Variants in ALK observed in about 807,000 individuals in gnomAD.
ALK encodes the protein ALK receptor tyrosine kinase.
ALK carries 74 observed loss-of-function variants against 163.1 expected under a neutral mutation model. The ratio of observed to expected loss-of-function variants is 0.45; its 90% CI spans 0.38 to 0.55. ALK has a LOEUF of 0.55. Among genes scored for constraint, ALK ranks in the 20% least tolerant of loss-of-function variants. The probability of loss-of-function intolerance (pLI) is 0.00; values close to 1 mark genes in which losing one functional copy is unlikely to be tolerated. For synonymous variants in ALK, 960 were observed against 843.2 expected (o/e 1.14, Z -2.40); for missense variants, 2,063 against 2,105.3 (o/e 0.98, Z 0.39).
intron 1 of ALK, among the ~76,000 whole-genome samples, chr2:29,837,889 GAGA>G (rs1665600838): frequency 1.3e-5 from 2 of 152,168 alleles, no homozygotes; most frequent in South Asian, 4.1e-4. Flanking sequence ...AGAACTGATA[GAGA>G]AGAATTGATT....
rs11289018 is a variant in ALK at position 29,480,790 on chromosome 2, TAAAAAAAAA to T, written c.1154+51116_1154+51124del. Among the ~76,000 whole-genome samples, 4 of 74,548 alleles carry T rather than the reference TAAAAAAAAA, an allele frequency of 5.4e-5. No individual in the cohort carries two copies. The Admixed American group carries it at 6.3e-4, about 12-fold the overall frequency. 48.9% of individuals were successfully genotyped at this position (74,548 alleles called of 152,430 possible). A position where few individuals can be genotyped will look rare whatever the true frequency, so the allele number is the denominator to read the frequency against. ...CAGAAAGCTCAGGGAACAGACATCT[TAAAAAAAAA>T]AAAAAAAAAAAAAAAGCCATCATTT... On this transcript the variant is annotated intron_variant, in intron 4 of 28. Coordinates refer to ENST00000389048, the MANE Select transcript of ALK (RefSeq NM_004304.5).
intron 1 of ALK, among the ~76,000 whole-genome samples, chr2:29,808,585 C>A (rs1052555737): frequency 6.6e-6 from 1 of 152,182 alleles, no homozygotes; most frequent in Non-Finnish European, 1.5e-5. Flanking sequence ...GATGGAAAAA[C>A]AGACAAGCCA....
intron 1 of ALK, among the ~76,000 whole-genome samples, chr2:29,810,040 A>G (rs1299014601): frequency 6.6e-6 from 1 of 152,224 alleles, no homozygotes. Context: ...CAGACAAAGA[A>G]CAGTGATGGT....
At chr2:29,726,418 TACAAAGAC>T (rs1264916698) in intron 1 of ALK, among the ~76,000 whole-genome samples, 12 of 152,124 alleles carry the variant, frequency 7.9e-5, no homozygotes, top group Admixed American at 5.2e-4. Flanking sequence ...CTGAAAGCGA[TACAAAGAC>T]ACAAAGACAC....
chr2:29,332,362 G>T (rs1667470530), intron 5 of ALK, among the ~76,000 whole-genome samples: 1 of 135,872 alleles, frequency 7.4e-6, no homozygotes, highest in African/African-American at 2.9e-5. Flanking sequence ...AACAAATCTA[G>T]GCTATGTCTG....
chr2:29,611,508 T>C (rs1264355684), intron 3 of ALK, among the ~76,000 whole-genome samples: 7 of 152,186 alleles, frequency 4.6e-5, no homozygotes, highest in Admixed American at 3.9e-4. Context: ...TGTTAACAGT[T>C]ACATGAAATG....
At chr2:29,631,974 G>A (rs920151499) in intron 3 of ALK, among the ~76,000 whole-genome samples, 1 of 152,234 alleles carries the variant, frequency 6.6e-6, no homozygotes, top group Non-Finnish European at 1.5e-5. Context: ...CTTGGAGGCA[G>A]AATAGGGATT....
chr2:29,920,467 G>C lies in ALK; in HGVS notation c.193C>G (p.Arg65Gly), dbSNP rs1343353214. 4 of 1,612,598 alleles carry C rather than the reference G, an allele frequency of 2.5e-6. No homozygotes were observed. The highest frequency in any genetic ancestry group is 3.4e-6 in the Non-Finnish European group (4 of 1,179,518). ...AGCAGTAGGTCCCGGGCGTAGACAC[G>C]GAAGAGCGAGGGCACCACGAAGTCA... ...AVDFVVPSLF[R>G]VYARDLLLPP... The change falls in exon 1 of 29, where the codon CGT (arginine) becomes GGT (glycine). Residue 65 changes from arginine (R) to glycine (G), a missense_variant. Transcript: ENST00000389048.
chr2:29,765,542 G>A (rs1680837172), intron 1 of ALK, among the ~76,000 whole-genome samples: 1 of 152,040 alleles, frequency 6.6e-6, no homozygotes, highest in Admixed American at 6.6e-5. Flanking sequence ...AAACTCGTGG[G>A]CTCAAGTGAT....
intron 12 of ALK, among the ~76,000 whole-genome samples, chr2:29,242,463 C>T (rs566261515): frequency 1.9e-4 from 29 of 152,254 alleles, no homozygotes; most frequent in African/African-American, 6.7e-4. Flanking sequence ...ATATTTTAGA[C>T]GTTGTTTGTT....
At position 29,920,792 on chromosome 2, in the gene ALK, G is replaced by T; in HGVS notation, c.-133C>A. The T allele has an allele frequency of 1.3e-6, 1 of 772,898 alleles. No homozygotes were observed. The highest frequency in any genetic ancestry group is 2.1e-6 in the Non-Finnish European group (1 of 487,162). 47.9% of individuals were successfully genotyped at this position (772,898 alleles called of 1,614,324 possible). On this transcript the variant is annotated 5_prime_UTR_variant, in exon 1 of 29. Transcript: ENST00000389048. ...CCACCTGATCTCCAGAGGACTGTGC[G>T]TGCGCGCAAGTCTCTTGCTTTCCCC...
Position 29,225,531 on chromosome 2 carries a change from C to T in ALK, c.3102G>A (p.Ser1034=), listed in dbSNP as rs138771319. 4.0e-4 allele frequency: 652 copies of T among 1,613,244 alleles called. No homozygotes were observed. The highest frequency in any genetic ancestry group is 5.0e-4 in the Non-Finnish European group (594 of 1,179,912). Residue 1034 remains serine, a synonymous_variant, in exon 19 of 29, where the codon TCG becomes TCA. Coordinates refer to ENST00000389048, the MANE Select transcript of ALK (RefSeq NM_004304.5). The part of the protein sequence containing the change: ...SPTPEPHLPL[S]LILSVVTSAL... ...CAGAGGTCACCACAGAGAGGATCAG[C>T]GAGAGTGGCAGGTGTGGCTCCGGGG...
chr2:29,784,713 AAAC>A (rs34379763), intron 1 of ALK, among the ~76,000 whole-genome samples: 5,971 of 150,840 alleles, frequency 0.04, 152 homozygotes, highest in East Asian at 0.08. Context: ...ACAACAACAA[AAAC>A]AACAACAACA....
At chr2:29,313,570 TC>T (rs1313444955) in intron 8 of ALK, among the ~76,000 whole-genome samples, 3 of 152,028 alleles carry the variant, frequency 2.0e-5, no homozygotes, top group Non-Finnish European at 4.4e-5. Flanking sequence ...TCTCATCAAC[TC>T]TCCCCAAGTT....
At chr2:29,427,907 A>G (rs1327626334) in intron 4 of ALK, among the ~76,000 whole-genome samples, 1 of 152,144 alleles carries the variant, frequency 6.6e-6, no homozygotes, top group African/African-American at 2.4e-5. Flanking sequence ...CATTTAAAAG[A>G]ATTAAAATCA....
chr2:29,328,440 T>C lies in ALK; in HGVS notation c.1324A>G (p.Thr442Ala), dbSNP rs1667340141. ...GSKMALQSSF[T>A]CWNGTVLQLG... ...TGGAGGACTGTCCCATTCCAACAAG[T>C]GAAGGAGCTCTGCAGGGCCATCTTG... is the stretch of plus-strand genomic sequence containing the variant. The change falls in exon 6 of 29, where the codon ACT (threonine) becomes GCT (alanine). Residue 442 changes from threonine (T) to alanine (A), a missense_variant. By Grantham distance (58) the Thr-to-Ala change is moderately conservative. This residue lies in a region of ALK where 987 missense variants were observed against 939.5 expected (regional missense o/e 1.05). Coordinates refer to ENST00000389048, the MANE Select transcript of ALK (RefSeq NM_004304.5). 6.2e-7 allele frequency: 1 copy of C among 1,614,098 alleles called. No homozygotes were observed. The highest frequency in any genetic ancestry group is 8.5e-7 in the Non-Finnish European group (1 of 1,179,988).
chr2:29,754,430 T>C (rs1178376868), intron 1 of ALK, among the ~76,000 whole-genome samples: 1 of 152,182 alleles, frequency 6.6e-6, no homozygotes, highest in Non-Finnish European at 1.5e-5. Context: ...AGTTTAAGCA[T>C]GATACCAGTC....
chr2:29,266,193 CA>C (rs1665216498), intron 11 of ALK, among the ~76,000 whole-genome samples: 1 of 152,168 alleles, frequency 6.6e-6, no homozygotes, highest in Non-Finnish European at 1.5e-5. Context: ...CTCTATACCC[CA>C]CACAAATCAT....
At chr2:29,581,193 T>C (rs1179655930) in intron 3 of ALK, among the ~76,000 whole-genome samples, 1 of 152,040 alleles carries the variant, frequency 6.6e-6, no homozygotes, top group Non-Finnish European at 1.5e-5. Context: ...ATCGAGACCA[T>C]CCTGGCCAAC....
Sources: gnomAD v4.1 joint callset for allele counts (sites outside exome capture counted in the v4.1 genomes callset) on GRCh38, gnomAD v4.1.1 for gene constraint, gnomAD v4.1.1 regional missense constraint, MANE v1.5 for transcripts, NCBI Gene and HGNC (gene_info 2026-07-23, HGNC 2026-07-21) for gene names.